Variants in COX7A2L observed in about 807,000 individuals in gnomAD.
The protein encoded by COX7A2L is cytochrome c oxidase subunit 7A2-like, mitochondrial.
In COX7A2L, 18 loss-of-function variants were observed where a neutral mutation model predicts 14.2. The observed-to-expected ratio is 1.27, with a 90% CI of 0.88 to 1.88. The LOEUF is 1.88. Ranked by LOEUF, COX7A2L falls within the 40% of genes most tolerant of loss-of-function variation. The probability of loss-of-function intolerance (pLI) is 0.00; values close to 1 mark genes in which losing one functional copy is unlikely to be tolerated. For synonymous variants in COX7A2L, 65 were observed against 57.4 expected, an observed-to-expected ratio of 1.13 and a Z score of -0.60; for missense variants, 179 against 138.8, an observed-to-expected ratio of 1.29 and a Z score of -1.46.
At chr2:42,368,323 A>T (rs1388046971) in intron 1 of COX7A2L, among the ~76,000 whole-genome samples, 1 of 152,196 alleles carries the variant, frequency 6.6e-6, no homozygotes, top group Non-Finnish European at 1.5e-5. Context: ...CATTACAAAA[A>T]TCTCTGTGAA....
chr2:42,366,982 G>C (rs931892193), intron 1 of COX7A2L, among the ~76,000 whole-genome samples: 1 of 152,180 alleles, frequency 6.6e-6, no homozygotes, highest in Admixed American at 6.5e-5. Flanking sequence ...CCAAAGAGAG[G>C]AGTTGGGTAT....
downstream of COX7A2L, among the ~76,000 whole-genome samples, chr2:42,347,902 CAA>C (rs1670530269): frequency 6.6e-6 from 1 of 151,956 alleles, no homozygotes; most frequent in Admixed American, 6.6e-5. Context: ...GCCTGGGCAA[CAA>C]GAGCGAAACT....
At chr2:42,356,702 G>C (rs1311204721) in intron 1 of COX7A2L, among the ~76,000 whole-genome samples, 1 of 152,166 alleles carries the variant, frequency 6.6e-6, no homozygotes. Flanking sequence ...TGAGGTGGGA[G>C]AATCACTTGA....
intron 1 of COX7A2L, among the ~76,000 whole-genome samples, chr2:42,366,870 A>T (rs1671174504): frequency 6.6e-6 from 1 of 152,114 alleles, no homozygotes; most frequent in Non-Finnish European, 1.5e-5. Flanking sequence ...CAGAAGTAGT[A>T]ACTATTAGTT....
chr2:42,347,476 T>C (rs12986823), downstream of COX7A2L, among the ~76,000 whole-genome samples: 19 of 151,970 alleles, frequency 1.3e-4, no homozygotes, highest in African/African-American at 4.1e-4. Flanking sequence ...AGCAAAAAAT[T>C]TGAAACTGAA....
intron 1 of COX7A2L, among the ~76,000 whole-genome samples, chr2:42,358,240 A>G (rs1211621744): frequency 6.6e-6 from 1 of 152,192 alleles, no homozygotes; most frequent in Non-Finnish European, 1.5e-5. Context: ...ATAACTGAAA[A>G]TGTTAAACAT....
At chr2:42,361,224 C>T (rs1572802801), upstream of COX7A2L, 1 of 1,479,540 alleles carries the variant, frequency 6.8e-7, no homozygotes, top group African/African-American at 1.4e-5. Context: ...AAGGACCCCG[C>T]CTCCCCGGCT....
In COX7A2L at chr2:42,351,309, C is replaced by A. The variant is rs766213187; in HGVS notation, c.255G>T (p.Met85Ile). The change falls in exon 3 of 3, where the codon ATG (methionine) becomes ATT (isoleucine). Residue 85 changes from methionine (M) to isoleucine (I), a missense_variant. Coordinates refer to ENST00000234301, the MANE Select transcript of COX7A2L (RefSeq NM_004718.4). ...TCAGCGCCATGGTGGTCCGGTAAAG[C>A]ATTTGGTCAGGCAGGCCTCGTTTCA... is the stretch of plus-strand genomic sequence containing the variant. ...VYLKRGLPDQMLYRTTMALTV... is the reference protein window; with the variant it reads ...VYLKRGLPDQILYRTTMALTV... The A allele has an allele frequency of 6.2e-7, 1 of 1,614,174 alleles. No individual in the cohort carries two copies.
chr2:42,363,728 C>G (rs1671105301), upstream of COX7A2L, among the ~76,000 whole-genome samples: 1 of 152,230 alleles, frequency 6.6e-6, no homozygotes, highest in Non-Finnish European at 1.5e-5. Flanking sequence ...CATATCCCAT[C>G]CAACATCAAA....
At chr2:42,349,261 T>A (rs566713005), downstream of COX7A2L, 1 of 152,224 alleles carries the variant, frequency 6.6e-6, no homozygotes, top group Non-Finnish European at 1.5e-5. Flanking sequence ...TTCGATTGAA[T>A]ACTATTCAGA....
chr2:42,344,550 T>C (rs1572785833), downstream of COX7A2L, among the ~76,000 whole-genome samples: 1 of 152,162 alleles, frequency 6.6e-6, no homozygotes, highest in Admixed American at 6.6e-5. Context: ...TATGAGAAAA[T>C]CTGTCTTAGA....
chr2:42,339,134 C>T lies in COX7A2L; in HGVS notation c.193-5265G>A, dbSNP rs1558625888. ...AAGCTGAAGTGGTTTCTATGGGAAA[C>T]TCTCACAATAAAATAGAAGGAAGTT... On this transcript the variant is annotated intron_variant, in intron 2 of 2. Transcript: ENST00000468711. The surrounding 1 kb of genome is among the most constrained non-coding windows in gnomAD (Gnocchi z 5.4). Among the ~76,000 whole-genome samples, 1 of 152,208 alleles carries T rather than the reference C, an allele frequency of 6.6e-6. No homozygotes were observed. The highest frequency in any genetic ancestry group is 2.4e-5 in the African/African-American group (1 of 41,442).
chr2:42,361,690 C>T (rs1452500013), upstream of COX7A2L: 1 of 152,816 alleles, frequency 6.5e-6, no homozygotes, highest in Non-Finnish European at 1.5e-5. Flanking sequence ...ACCGTCTGGT[C>T]GTCGGGTTGA....
Position 42,342,202 on chromosome 2 carries a change from A to G in COX7A2L, c.193-8333T>C, listed in dbSNP as rs1442959311. Among the ~76,000 whole-genome samples, 3 of 152,078 alleles carry G rather than the reference A, an allele frequency of 2.0e-5. No individual in the cohort carries two copies. Among genetic ancestry groups the G allele is most frequent in the African/African-American group, 7.2e-5 (3 of 41,414 alleles). On this transcript the variant is annotated intron_variant, in intron 2 of 2. Transcript: ENST00000468711. This position sits in a 1 kb window ranked among gnomAD's most constrained non-coding sequence, Gnocchi z 4.9. ...CTCAGGGCTCCACACTCACAACTGA[A>G]GCCTAAGCCTGGTACAGCTGGAACC...
upstream of COX7A2L, among the ~76,000 whole-genome samples, chr2:42,363,784 C>A (rs896216925): frequency 3.9e-5 from 6 of 152,238 alleles, no homozygotes; most frequent in African/African-American, 1.2e-4. Context: ...TCCCCACATT[C>A]TATTCTGAAG....
chr2:42,367,704 G>C (rs1671193469), intron 1 of COX7A2L, among the ~76,000 whole-genome samples: 1 of 152,230 alleles, frequency 6.6e-6, no homozygotes, highest in Non-Finnish European at 1.5e-5. Context: ...ACCACCGATT[G>C]GCACTCTGAG....
chr2:42,345,195 C>G (rs551778057), downstream of COX7A2L, among the ~76,000 whole-genome samples: 2 of 151,944 alleles, frequency 1.3e-5, no homozygotes, highest in African/African-American at 4.8e-5. Context: ...CCAGCCTGAC[C>G]AACATGGAGA....
chr2:42,363,213 T>C (rs1251129271), upstream of COX7A2L, among the ~76,000 whole-genome samples: 3 of 152,132 alleles, frequency 2.0e-5, no homozygotes, highest in African/African-American at 7.2e-5. Context: ...TTCAGGAAGA[T>C]TTTTCTACGA....
downstream of COX7A2L, among the ~76,000 whole-genome samples, chr2:42,348,010 T>A (rs552510983): frequency 1.4e-4 from 22 of 152,184 alleles, no homozygotes; most frequent in Non-Finnish European, 2.6e-4. Flanking sequence ...AAGGTCAGCA[T>A]GGAAGCCATC....
Sources: allele counts gnomAD v4.1 joint callset (sites outside exome capture counted in the v4.1 genomes callset), GRCh38; gene constraint gnomAD v4.1.1; non-coding constraint Gnocchi (gnomAD v3.1); transcripts MANE v1.5; gene names NCBI Gene and HGNC (gene_info 2026-07-23, HGNC 2026-07-21).